MINDY3: variants seen among roughly 807,000 people sequenced by gnomAD.
The protein encoded by MINDY3 is MINDY lysine 48 deubiquitinase 3.
MINDY3 carries 38 observed loss-of-function variants against 69.2 expected under a neutral mutation model. The ratio of observed to expected loss-of-function variants is 0.55; its 90% CI spans 0.42 to 0.72. The LOEUF (loss-of-function observed/expected upper bound fraction) is 0.72, where lower values mean the gene tolerates loss of function less well. Ranked by LOEUF, MINDY3 falls within the 30% of genes least tolerant of loss-of-function variation. The pLI, the probability that MINDY3 is intolerant of heterozygous loss-of-function variation, is 0.00. For missense variants in MINDY3, 522 were observed against 519.0 expected (o/e 1.01, Z -0.06); for synonymous variants, 192 against 180.1 (o/e 1.07, Z -0.53).
chr10:15,817,562 G>C (rs565234950), intron 9 of MINDY3: 1 of 152,040 alleles, frequency 6.6e-6, no homozygotes, highest in South Asian at 2.1e-4. Flanking sequence ...TTGAGAACAC[G>C]ATTGTGTGTG....
chr10:15,833,580 A>G, intron 8 of MINDY3, 50 bp downstream of exon 8: 1 of 1,175,046 alleles, frequency 8.5e-7, no homozygotes, highest in African/African-American at 1.5e-5. Flanking sequence ...GCTGTATTCC[A>G]ATGAAATATT....
chr10:15,822,007 T>G (rs1839801985), intron 8 of MINDY3, among the ~76,000 whole-genome samples: 1 of 152,028 alleles, frequency 6.6e-6, no homozygotes, highest in Non-Finnish European at 1.5e-5. Context: ...ATGAGAGAAT[T>G]TACTCCCTGA....
At chr10:15,807,917 T>C (rs889341462) in intron 10 of MINDY3, among the ~76,000 whole-genome samples, 3 of 152,220 alleles carry the variant, frequency 2.0e-5, no homozygotes, top group Admixed American at 2.0e-4. Context: ...ACATTTATAT[T>C]TTGAAAGATT....
chr10:15,807,158 T>G (rs1838691528), intron 10 of MINDY3, among the ~76,000 whole-genome samples: 2 of 152,170 alleles, frequency 1.3e-5, no homozygotes, highest in South Asian at 4.1e-4. Flanking sequence ...ATTAGCATAC[T>G]GCCTAACATA....
intron 9 of MINDY3, chr10:15,817,450 A>C (rs1839451456): frequency 6.6e-6 from 1 of 152,510 alleles, no homozygotes; most frequent in Non-Finnish European, 1.5e-5. Context: ...AGGTAGGTTC[A>C]AAGTTTCACA....
chr10:15,800,874 G>T (rs1056023632), intron 10 of MINDY3, among the ~76,000 whole-genome samples: 1 of 152,136 alleles, frequency 6.6e-6, no homozygotes, highest in Non-Finnish European at 1.5e-5. Flanking sequence ...TGTAAGTGCA[G>T]GGTTGCTATA....
At chr10:15,834,437 AACACTACTG>A in intron 7 of MINDY3, 97 bp downstream of exon 7, 1 of 738,646 alleles carries the variant, frequency 1.4e-6, no homozygotes. Context: ...TTGTACTGTC[AACACTACTG>A]ACAAACAAAA....
In MINDY3 at chr10:15,816,779, A is replaced by G. The variant is rs957532083; in HGVS notation, c.882+56T>C. On this transcript the variant is annotated intron_variant, in intron 10 of 14. Transcript: ENST00000277632. ...AAAGATCCAAACCAAATATGAACTTATAATACTTGTTTGCCTGATGTCATA... is the reference window on the plus strand; with the variant it reads ...AAAGATCCAAACCAAATATGAACTTGTAATACTTGTTTGCCTGATGTCATA... 5 of 1,185,688 alleles carry G rather than the reference A, an allele frequency of 4.2e-6. No individual in the cohort carries two copies. In the African/African-American group the frequency reaches 6.1e-5, roughly 14 times the overall value. 73.4% of individuals were successfully genotyped at this position (1,185,688 alleles called of 1,614,324 possible). A position where few individuals can be genotyped will look rare whatever the true frequency, so the allele number is the denominator to read the frequency against.
At chr10:15,824,286 T>C (rs1008816779) in intron 8 of MINDY3, among the ~76,000 whole-genome samples, 5 of 152,264 alleles carry the variant, frequency 3.3e-5, no homozygotes, top group Non-Finnish European at 5.9e-5. Context: ...TCGCCACACT[T>C]TTGTTGTTTT....
chr10:15,859,087 A>AT (rs569001520), intron 1 of MINDY3, among the ~76,000 whole-genome samples: 4 of 152,068 alleles, frequency 2.6e-5, no homozygotes, highest in African/African-American at 7.2e-5. Flanking sequence ...TTTACAACTA[A>AT]TTTTTTTCGC....
At chr10:15,799,138 G>A (rs985706727) in intron 10 of MINDY3, among the ~76,000 whole-genome samples, 2 of 151,936 alleles carry the variant, frequency 1.3e-5, no homozygotes, top group African/African-American at 4.8e-5. Context: ...TTTGGCCTGA[G>A]GGCCATTTGC....
chr10:15,839,096 T>C (rs1054100401), intron 4 of MINDY3, among the ~76,000 whole-genome samples: 11 of 151,716 alleles, frequency 7.3e-5, no homozygotes, highest in Non-Finnish European at 1.5e-4. Flanking sequence ...TAACTTCACA[T>C]ATATTTCATA....
chr10:15,838,687 G>A (rs1490461941), intron 4 of MINDY3, among the ~76,000 whole-genome samples: 1 of 151,558 alleles, frequency 6.6e-6, no homozygotes, highest in African/African-American at 2.4e-5. Flanking sequence ...TTAGGTTTAA[G>A]GCTTAATTAT....
intron 11 of MINDY3, among the ~76,000 whole-genome samples, chr10:15,792,026 A>T (rs1187278141): frequency 6.6e-6 from 1 of 152,130 alleles, no homozygotes; most frequent in Non-Finnish European, 1.5e-5. Context: ...ACAGCTTATA[A>T]GGAAACTGTG....
intron 12 of MINDY3, 156 bp downstream of exon 12, chr10:15,789,091 T>A (rs892956263): frequency 4.2e-6 from 2 of 478,198 alleles, no homozygotes; most frequent in South Asian, 8.2e-5. Flanking sequence ...TGCTATAATA[T>A]TGGATTAGTT....
chr10:15,782,430 A>G (rs563278484), intron 13 of MINDY3: 2 of 502,846 alleles, frequency 4.0e-6, no homozygotes, highest in Non-Finnish European at 3.5e-6. Context: ...AAGATGCTGG[A>G]AAGTAGGGAA....
chr10:15,788,056 T>C (rs1470207749), intron 12 of MINDY3, among the ~76,000 whole-genome samples: 2 of 151,970 alleles, frequency 1.3e-5, no homozygotes, highest in Non-Finnish European at 2.9e-5. Flanking sequence ...AGATGATATA[T>C]AGCTATGGAA....
At chr10:15,816,062 T>C (rs1170072516) in intron 10 of MINDY3, among the ~76,000 whole-genome samples, 3 of 152,138 alleles carry the variant, frequency 2.0e-5, no homozygotes, top group Non-Finnish European at 4.4e-5. Flanking sequence ...GGTTAGGAGT[T>C]TGAGACCAGC....
At chr10:15,841,810 A>C (rs190302401) in intron 3 of MINDY3, among the ~76,000 whole-genome samples, 15 of 151,878 alleles carry the variant, frequency 9.9e-5, no homozygotes, top group Non-Finnish European at 1.0e-4. Context: ...CATCCAAATA[A>C]CACCACCAAG....
Sources: gnomAD v4.1 joint callset for allele counts (sites outside exome capture counted in the v4.1 genomes callset) on GRCh38, gnomAD v4.1.1 for gene constraint, MANE v1.5 for transcripts, NCBI Gene and HGNC (gene_info 2026-07-23, HGNC 2026-07-21) for gene names.